GRIK1: variants seen among roughly 807,000 people sequenced by gnomAD.
GRIK1 encodes glutamate ionotropic receptor kainate type subunit 1, also known as glutamate receptor ionotropic, kainate 1.
GRIK1 carries 69 observed loss-of-function variants against 105.7 expected under a neutral mutation model. That is an observed-to-expected ratio of 0.65 (90% CI 0.54 to 0.80). GRIK1 has a LOEUF of 0.80. GRIK1 is among the 30% of genes least tolerant of loss of function. GRIK1 has a pLI of 0.00. For missense variants in GRIK1, 1,109 were observed against 1,167.3 expected, an observed-to-expected ratio of 0.95 and a Z score of 0.73; for synonymous variants, 438 against 431.3, an observed-to-expected ratio of 1.02 and a Z score of -0.19.
At chr21:29,820,979 A>G (rs2067286483) in intron 1 of GRIK1, among the ~76,000 whole-genome samples, 1 of 151,592 alleles carries the variant, frequency 6.6e-6, no homozygotes, top group African/African-American at 2.4e-5. Context: ...ATATCTACTC[A>G]CTTGAAACTC....
At chr21:29,556,331 T>G (rs2090255322) in intron 15 of GRIK1, among the ~76,000 whole-genome samples, 1 of 152,194 alleles carries the variant, frequency 6.6e-6, no homozygotes, top group East Asian at 1.9e-4. Flanking sequence ...TTTTTCAAAG[T>G]GCCTGTCTTT....
At chr21:29,863,638 T>G (rs1007843882) in intron 1 of GRIK1, among the ~76,000 whole-genome samples, 2 of 152,212 alleles carry the variant, frequency 1.3e-5, no homozygotes, top group Admixed American at 6.5e-5. Flanking sequence ...CTGCTTTTTC[T>G]TGTACTCCTG....
At chr21:29,758,133 C>T (rs1168657813) in intron 1 of GRIK1, among the ~76,000 whole-genome samples, 2 of 152,184 alleles carry the variant, frequency 1.3e-5, no homozygotes, top group Non-Finnish European at 1.5e-5. Flanking sequence ...TCCATGCCCA[C>T]CTAAATGCAA....
chr21:29,683,188 A>G, intron 3 of GRIK1, among the ~76,000 whole-genome samples: 1 of 152,236 alleles, frequency 6.6e-6, no homozygotes, highest in African/African-American at 2.4e-5. Flanking sequence ...GTGGGAGTTT[A>G]AATTAGTTCA....
At chr21:29,770,740 C>T (rs1451818928) in intron 1 of GRIK1, among the ~76,000 whole-genome samples, 2 of 152,206 alleles carry the variant, frequency 1.3e-5, no homozygotes, top group African/African-American at 2.4e-5. Context: ...TTGTTCATGG[C>T]TTGTGCAGAC....
intron 1 of GRIK1, among the ~76,000 whole-genome samples, chr21:29,779,163 T>C (rs1236066927): frequency 6.6e-6 from 1 of 152,236 alleles, no homozygotes; most frequent in African/African-American, 2.4e-5. Context: ...GAATTACTTT[T>C]ACAAAGGTGA....
At chr21:29,560,384 CCTT>C (rs1568813869) in intron 15 of GRIK1, among the ~76,000 whole-genome samples, 5 of 51,008 alleles carry the variant, frequency 9.8e-5, no homozygotes, top group Admixed American at 2.4e-4. Flanking sequence ...TTCCTTCCTT[CCTT>C]CCTTCCTTCC....
At chr21:29,636,504 CA>C (rs1388065611) in intron 7 of GRIK1, among the ~76,000 whole-genome samples, 3 of 151,910 alleles carry the variant, frequency 2.0e-5, no homozygotes, top group African/African-American at 7.3e-5. Context: ...ATTTAACAGG[CA>C]AAAAAATAAT....
chr21:29,838,373 A>G (rs138285415), intron 1 of GRIK1, among the ~76,000 whole-genome samples: 2 of 152,320 alleles, frequency 1.3e-5, no homozygotes, highest in East Asian at 3.9e-4. Context: ...AGAAAAAAAA[A>G]AGATTCCTCA....
chr21:29,817,043 C>T (rs1229076587), intron 1 of GRIK1, among the ~76,000 whole-genome samples: 1 of 151,844 alleles, frequency 6.6e-6, no homozygotes, highest in African/African-American at 2.4e-5. Context: ...TCAGATGTAC[C>T]CCACCAAATA....
chr21:29,728,404 C>G (rs1390446326), intron 1 of GRIK1, among the ~76,000 whole-genome samples: 1 of 151,952 alleles, frequency 6.6e-6, no homozygotes, highest in Admixed American at 6.6e-5. Context: ...GGGATAGGGC[C>G]TAGGTCGAAT....
At chr21:29,569,304 T>C (rs2090684547) in intron 14 of GRIK1, among the ~76,000 whole-genome samples, 1 of 152,224 alleles carries the variant, frequency 6.6e-6, no homozygotes, top group Non-Finnish European at 1.5e-5. Context: ...TTTTTATTGC[T>C]TACAGTGTAC....
intron 4 of GRIK1, among the ~76,000 whole-genome samples, chr21:29,655,839 G>A (rs904970294): frequency 1.3e-5 from 2 of 151,856 alleles, no homozygotes; most frequent in Admixed American, 6.6e-5. Flanking sequence ...TTTTTACTTC[G>A]TGGAAGAAGG....
chr21:29,537,536 C>A (rs999514752), intron 17 of GRIK1, 151 bp from the exon 18 acceptor site: 1 of 677,496 alleles, frequency 1.5e-6, no homozygotes, highest in South Asian at 1.9e-5. Context: ...CCTCCTCCAC[C>A]CGCTGGCCAC....
At chr21:29,587,653 C>A in intron 11 of GRIK1, 64 bp from the exon 12 acceptor site, 1 of 819,912 alleles carries the variant, frequency 1.2e-6, no homozygotes. Flanking sequence ...TAGACTTTTC[C>A]TGGGTACTCC....
chr21:29,747,548 G>A (rs146172361), intron 1 of GRIK1, among the ~76,000 whole-genome samples: 2,295 of 152,236 alleles, frequency 0.015, 29 homozygotes, highest in Middle Eastern at 0.044. Context: ...TAGAAAGCAT[G>A]GGCCAGGCCG....
chr21:29,833,193 A>G (rs2067690398), intron 1 of GRIK1, among the ~76,000 whole-genome samples: 1 of 152,146 alleles, frequency 6.6e-6, no homozygotes, highest in African/African-American at 2.4e-5. Context: ...GACTTCATTG[A>G]TGATATTACT....
intron 1 of GRIK1, among the ~76,000 whole-genome samples, chr21:29,908,882 A>G (rs1198372021): frequency 6.6e-6 from 1 of 152,178 alleles, no homozygotes; most frequent in Admixed American, 6.5e-5. Context: ...AAATTATTCA[A>G]TGAAGTGCTA....
chr21:29,564,440 C>A (rs1457908858), intron 14 of GRIK1, among the ~76,000 whole-genome samples: 1 of 152,224 alleles, frequency 6.6e-6, no homozygotes, highest in Non-Finnish European at 1.5e-5. Context: ...AGCCACCGCG[C>A]CCGGCCGCAC....
Sources: allele counts gnomAD v4.1 joint callset (sites outside exome capture counted in the v4.1 genomes callset), GRCh38; gene constraint gnomAD v4.1.1; transcripts MANE v1.5; gene names NCBI Gene and HGNC (gene_info 2026-07-23, HGNC 2026-07-21).